RIOK3: variants seen among roughly 807,000 people sequenced by gnomAD.
RIOK3 encodes serine/threonine-protein kinase RIO3.
In RIOK3, 40 loss-of-function variants were observed where a neutral mutation model predicts 63.5. The ratio of observed to expected loss-of-function variants is 0.63; its 90% confidence interval spans 0.49 to 0.82. The LOEUF (loss-of-function observed/expected upper bound fraction) is 0.82. RIOK3 is among the 40% of genes least tolerant of loss of function. The probability of loss-of-function intolerance (pLI) is 0.00; values close to 1 mark genes in which losing one functional copy is unlikely to be tolerated. For missense variants in RIOK3, 557 were observed against 637.0 expected, an observed-to-expected ratio of 0.87 and a Z score of 1.35; for synonymous variants, 193 against 205.0, an observed-to-expected ratio of 0.94 and a Z score of 0.50.
At chr18:23,462,018 G>A (rs1166523699) in intron 1 of RIOK3, among the ~76,000 whole-genome samples, 3 of 149,994 alleles carry the variant, frequency 2.0e-5, no homozygotes, top group South Asian at 4.3e-4. Flanking sequence ...TGAACCCGGG[G>A]AGGTGGAGAT....
intron 7 of RIOK3, among the ~76,000 whole-genome samples, chr18:23,470,359 C>T (rs552223107): frequency 4.0e-5 from 6 of 148,514 alleles, no homozygotes; most frequent in South Asian, 4.2e-4. Flanking sequence ...AGCAAGATTC[C>T]GTCTCAAAAA....
In RIOK3 at chr18:23,464,524, C is replaced by T. The variant is rs1460219305; in HGVS notation, c.439C>T (p.Pro147Ser). 2 of 1,593,856 alleles carry T rather than the reference C, an allele frequency of 1.3e-6. No individual in the cohort carries two copies. Among genetic ancestry groups the T allele is most frequent in the Non-Finnish European group, 8.5e-7 (1 of 1,172,432 alleles). Residue 147 changes from proline (P) to serine (S), a missense_variant, in exon 5 of 13, where the codon CCG (proline) becomes TCG (serine). Pro to Ser is a moderately conservative substitution (Grantham distance 74). Transcript: ENST00000339486. ...TRDDPYRPAK[P>S]VPTPKKGFIG... ...CTTATTTCAATTGCCTTTAGCAAAA[C>T]CGGTTCCCACTCCTAAAAAGGGCTT... is the stretch of plus-strand genomic sequence containing the variant.
chr18:23,456,182 C>A (rs866584854), intron 1 of RIOK3, among the ~76,000 whole-genome samples: 9 of 152,152 alleles, frequency 5.9e-5, no homozygotes, highest in Middle Eastern at 3.4e-3. Context: ...TACCCCACCC[C>A]CTTCCGCCCT....
chr18:23,467,666 G>A, intron 7 of RIOK3, 140 bp downstream of exon 7: 2 of 645,386 alleles, frequency 3.1e-6, no homozygotes, highest in East Asian at 3.1e-5. Flanking sequence ...AGTCTAGGCA[G>A]TATAGGAATG....
At chr18:23,469,443 C>CCT (rs1173380978) in intron 7 of RIOK3, among the ~76,000 whole-genome samples, 63 of 128,922 alleles carry the variant, frequency 4.9e-4, no homozygotes, top group African/African-American at 1.5e-3. Flanking sequence ...TCTCCTCTCT[C>CCT]CTCTCTCTCT....
chr18:23,469,561 C>A (rs2057442086), intron 7 of RIOK3, among the ~76,000 whole-genome samples: 1 of 149,866 alleles, frequency 6.7e-6, no homozygotes, highest in Admixed American at 6.7e-5. Flanking sequence ...AATCTTGGCT[C>A]ACTGCATCCT....
chr18:23,455,026 C>CCTTTCCTTT (rs1316883487), intron 1 of RIOK3, among the ~76,000 whole-genome samples: 4 of 151,836 alleles, frequency 2.6e-5, no homozygotes, highest in African/African-American at 9.7e-5. Context: ...TCCTTCCTTT[C>CCTTTCCTTT]CTTTCCTTTC....
chr18:23,460,614 A>G (rs1394555256), intron 1 of RIOK3, among the ~76,000 whole-genome samples: 1 of 152,204 alleles, frequency 6.6e-6, no homozygotes, highest in Non-Finnish European at 1.5e-5. Context: ...ATTGTCTGTT[A>G]TGTAACTGTT....
At chr18:23,457,081 G>A (rs2057345799) in intron 1 of RIOK3, among the ~76,000 whole-genome samples, 1 of 152,178 alleles carries the variant, frequency 6.6e-6, no homozygotes, top group African/African-American at 2.4e-5. Flanking sequence ...TTGGGAGAAT[G>A]AGAGTTAAAA....
rs751540802 is a variant in RIOK3, at chr18:23,462,945, C to CT, written c.64-13dup. The CT allele has an allele frequency of 2.3e-5, 27 of 1,196,962 alleles. No homozygotes were observed. Among genetic ancestry groups the CT allele is most frequent in the Non-Finnish European group, 1.1e-6 (1 of 870,292 alleles). The allele number at this position is 1,196,962 out of a possible 1,614,324, so 74.1% of individuals were successfully genotyped here. A position where few individuals can be genotyped will look rare whatever the true frequency, so the allele number is the denominator to read the frequency against. On this transcript the variant is annotated intron_variant, in intron 1 of 12. Coordinates refer to ENST00000339486, the MANE Select transcript of RIOK3 (RefSeq NM_003831.5). ...TTTCATTATGATGAATTGAGCTGTTCTTTTTTCTTTTTTCATAGTGTCCAT... is the reference window on the plus strand; with the variant it reads ...TTTCATTATGATGAATTGAGCTGTTCTTTTTTTCTTTTTTCATAGTGTCCAT...
At chr18:23,473,656 T>C (rs1162259023) in intron 8 of RIOK3, 30 bp downstream of exon 8, 1 of 1,523,748 alleles carries the variant, frequency 6.6e-7, no homozygotes, top group Admixed American at 1.8e-5. Flanking sequence ...AGACGTAATC[T>C]TGGGTAAATA....
Position 23,465,999 on chromosome 18 carries a change from G to A in RIOK3, c.544-134G>A, listed in dbSNP as rs2057404230. 7 of 549,092 alleles carry A rather than the reference G, an allele frequency of 1.3e-5. No homozygotes were observed. The South Asian group carries it at 2.5e-4, about 19-fold the overall frequency. 34.0% of individuals were successfully genotyped at this position (549,092 alleles called of 1,614,324 possible). ...GAGTTATTTAATTTTTTTCTCTGTA[G>A]TAGCTATGATTTCTGGTTTTCTAGT... On this transcript the variant is annotated intron_variant, in intron 5 of 12. Transcript: ENST00000339486.
chr18:23,477,636 G>A (rs1308181018), intron 11 of RIOK3, among the ~76,000 whole-genome samples: 2 of 151,480 alleles, frequency 1.3e-5, no homozygotes, highest in East Asian at 1.9e-4. Flanking sequence ...GGTGGCAGGC[G>A]CCTGTAATCC....
intron 11 of RIOK3, 114 bp downstream of exon 11, chr18:23,477,382 C>T (rs1253979212): frequency 3.6e-5 from 29 of 808,300 alleles, no homozygotes; most frequent in South Asian, 1.4e-4. Context: ...GGAAGGGATA[C>T]GGGCTGCTTT....
intron 1 of RIOK3, among the ~76,000 whole-genome samples, chr18:23,458,054 T>C (rs1302248392): frequency 6.8e-6 from 1 of 146,698 alleles, no homozygotes; most frequent in Non-Finnish European, 1.5e-5. Flanking sequence ...TCACCACGCC[T>C]GGCTAGTTGT....
chr18:23,481,319 T>G lies in RIOK3; in HGVS notation c.*40T>G, dbSNP rs2057532994. 8.1e-7 allele frequency: 1 copy of G among 1,237,322 alleles called. No homozygotes were observed. Among genetic ancestry groups the G allele is most frequent in the African/African-American group, 1.5e-5 (1 of 64,532 alleles). 76.6% of individuals were successfully genotyped at this position (1,237,322 alleles called of 1,614,324 possible). A position where few individuals can be genotyped will look rare whatever the true frequency, so the allele number is the denominator to read the frequency against. Reference sequence around the variant, plus strand: ...GCTTCAGTGTTAACACAGCAGTGATTGTCAGCTGCCAATAGCAAATGAAGT... The same window carrying G: ...GCTTCAGTGTTAACACAGCAGTGATGGTCAGCTGCCAATAGCAAATGAAGT... On this transcript the variant is annotated 3_prime_UTR_variant, in exon 13 of 13. Transcript: ENST00000339486.
chr18:23,479,475 A>G (rs895089833), intron 12 of RIOK3, 51 bp downstream of exon 12: 4 of 1,064,828 alleles, frequency 3.8e-6, no homozygotes, highest in Non-Finnish European at 5.8e-6. Context: ...AGAACTGCAT[A>G]GAGGAGATAA....
chr18:23,461,149 A>G (rs2057370074), intron 1 of RIOK3, among the ~76,000 whole-genome samples: 1 of 152,250 alleles, frequency 6.6e-6, no homozygotes, highest in Admixed American at 6.5e-5. Flanking sequence ...TGGAACCTGA[A>G]CAAAGGTCAC....
At chr18:23,465,755 A>G (rs1023156904) in intron 5 of RIOK3, among the ~76,000 whole-genome samples, 7 of 152,258 alleles carry the variant, frequency 4.6e-5, no homozygotes, top group Non-Finnish European at 8.8e-5. Context: ...ATAGTCTGCT[A>G]TAACAACCCA....
Sources: allele counts gnomAD v4.1 joint callset (sites outside exome capture counted in the v4.1 genomes callset), GRCh38; gene constraint gnomAD v4.1.1; transcripts MANE v1.5; gene names NCBI Gene and HGNC (gene_info 2026-07-23, HGNC 2026-07-21).